The following AKAP13 variants were observed in gnomAD, a reference collection of about 807,000 sequenced individuals.
AKAP13 encodes the protein A-kinase anchor protein 13.
Under a neutral mutation model 264.5 loss-of-function variants are expected in AKAP13, and 80 were observed. That is an observed-to-expected ratio of 0.30 (90% CI 0.25 to 0.36). The LOEUF (loss-of-function observed/expected upper bound fraction) is 0.36. AKAP13 is among the 10% of genes least tolerant of loss of function. AKAP13 has a pLI of 1.00. For missense variants in AKAP13, 3,712 were observed against 3,435.2 expected, an observed-to-expected ratio of 1.08 and a Z score of -2.01; for synonymous variants, 1,380 against 1,250.2, an observed-to-expected ratio of 1.10 and a Z score of -2.19.
intron 1 of AKAP13, among the ~76,000 whole-genome samples, chr15:85,427,024 C>T (rs867535588): frequency 6.9e-5 from 10 of 145,072 alleles, no homozygotes; most frequent in Middle Eastern, 6.9e-3. Context: ...GGCGCCATCT[C>T]GGCTCACTGC....
chr15:85,723,382 C>G, intron 26 of AKAP13, 62 bp downstream of exon 26: 1 of 1,576,018 alleles, frequency 6.3e-7, no homozygotes, highest in South Asian at 1.2e-5. Flanking sequence ...AATCCAAGTG[C>G]TTTTGTTGGA....
At chr15:85,463,475 A>T (rs2074602582) in intron 1 of AKAP13, among the ~76,000 whole-genome samples, 2 of 152,194 alleles carry the variant, frequency 1.3e-5, no homozygotes, top group Admixed American at 6.5e-5. Context: ...ACAGATCCAC[A>T]CTGTTATGAG....
intron 9 of AKAP13, among the ~76,000 whole-genome samples, chr15:85,642,672 C>T (rs193144034): frequency 4.6e-5 from 7 of 152,190 alleles, no homozygotes; most frequent in African/African-American, 1.4e-4. Context: ...AGCAGACTCT[C>T]GTCCCAAACT....
At chr15:85,544,093 G>C (rs2077654932) in intron 5 of AKAP13, 138 bp downstream of exon 5, 1 of 1,046,822 alleles carries the variant, frequency 9.6e-7, no homozygotes, top group Non-Finnish European at 1.4e-6. Flanking sequence ...CCTTCTGCTG[G>C]AGGTTTGTAA....
intron 6 of AKAP13, among the ~76,000 whole-genome samples, chr15:85,576,433 A>G (rs796937103): frequency 4.6e-5 from 7 of 152,340 alleles, no homozygotes; most frequent in African/African-American, 1.2e-4. Flanking sequence ...AGTCTTCAAG[A>G]TAAAGTTGTT....
chr15:85,517,114 A>T (rs1203887123), intron 2 of AKAP13, among the ~76,000 whole-genome samples: 2 of 152,132 alleles, frequency 1.3e-5, no homozygotes, highest in Non-Finnish European at 2.9e-5. Context: ...TACCACTGTG[A>T]TTTCTTTGCT....
At chr15:85,599,760 G>C (rs1374988420) in intron 8 of AKAP13, among the ~76,000 whole-genome samples, 1 of 152,172 alleles carries the variant, frequency 6.6e-6, no homozygotes, top group Non-Finnish European at 1.5e-5. Flanking sequence ...TCTGGGCTGG[G>C]TGAGGTGGTT....
intron 1 of AKAP13, among the ~76,000 whole-genome samples, chr15:85,394,533 AT>A (rs1222676354): frequency 6.6e-6 from 1 of 152,092 alleles, no homozygotes; most frequent in Admixed American, 6.5e-5. Flanking sequence ...AAAATCTTTT[AT>A]TTTTCACTCT....
chr15:85,606,194 A>T (rs545489414), intron 8 of AKAP13, among the ~76,000 whole-genome samples: 1 of 141,786 alleles, frequency 7.1e-6, no homozygotes, highest in Non-Finnish European at 1.5e-5. Context: ...CTCCGCCTCT[A>T]GGGTTCAAAC....
chr15:85,446,912 G>A lies in AKAP13; in HGVS notation c.-11-38798G>A, dbSNP rs535955767. Among the ~76,000 whole-genome samples, 5 of 152,238 alleles carry A rather than the reference G, an allele frequency of 3.3e-5. No homozygotes were observed. In the South Asian group the frequency reaches 1.0e-3, roughly 32 times the overall value. On this transcript the variant is annotated intron_variant, in intron 1 of 36. Coordinates refer to ENST00000394518, the MANE Select transcript of AKAP13 (RefSeq NM_007200.5). ...CACCAAGGAAGGAATGGGAAAATGG[G>A]TTAAACTTAAAAAAGTGAATGTGTA... is the stretch of plus-strand genomic sequence containing the variant.
intron 1 of AKAP13, among the ~76,000 whole-genome samples, chr15:85,472,835 C>T (rs1039898416): frequency 2.0e-5 from 3 of 152,148 alleles, no homozygotes; most frequent in Admixed American, 2.0e-4. Flanking sequence ...ATAAATAGCA[C>T]TTATATAACA....
chr15:85,425,247 C>T (rs554109114), intron 1 of AKAP13, among the ~76,000 whole-genome samples: 1 of 152,106 alleles, frequency 6.6e-6, no homozygotes, highest in South Asian at 2.1e-4. Context: ...TGAGATATGC[C>T]TGTATTCAGG....
At chr15:85,659,504 AT>A (rs3837734) in intron 12 of AKAP13, among the ~76,000 whole-genome samples, 30,926 of 152,194 alleles carry the variant, frequency 0.2, 4,171 homozygotes, top group Middle Eastern at 0.42. Flanking sequence ...ATTCTCATGA[AT>A]TTCAGATAAT....
intron 5 of AKAP13, among the ~76,000 whole-genome samples, chr15:85,565,047 A>G (rs1172987435): frequency 6.6e-6 from 1 of 152,186 alleles, no homozygotes; most frequent in African/African-American, 2.4e-5. Flanking sequence ...GAAGATTGAA[A>G]ATTTCAAGGT....
chr15:85,466,381 G>T (rs925187442), intron 1 of AKAP13, among the ~76,000 whole-genome samples: 20 of 151,960 alleles, frequency 1.3e-4, no homozygotes, highest in Non-Finnish European at 2.6e-4. Flanking sequence ...GTCAATTTTG[G>T]CTTTTGTTGC....
chr15:85,662,444 A>G, intron 12 of AKAP13: 1 of 1,614,152 alleles, frequency 6.2e-7, no homozygotes, highest in Non-Finnish European at 8.5e-7. Context: ...GCTGACTTTA[A>G]TTACAGAAGG....
chr15:85,567,939 GA>G (rs2078663088), intron 5 of AKAP13, among the ~76,000 whole-genome samples: 1 of 107,830 alleles, frequency 9.3e-6, no homozygotes, highest in Non-Finnish European at 1.9e-5. Flanking sequence ...ATAGCCCAAA[GA>G]GGTGTGTGTG....
chr15:85,653,912 G>T (rs755266878), intron 10 of AKAP13, among the ~76,000 whole-genome samples: 3 of 152,082 alleles, frequency 2.0e-5, no homozygotes, highest in African/African-American at 4.8e-5. Context: ...ATCAAATTCT[G>T]TGTTCTGGTA....
intron 1 of AKAP13, among the ~76,000 whole-genome samples, chr15:85,437,635 C>T (rs987437324): frequency 6.6e-6 from 1 of 152,210 alleles, no homozygotes; most frequent in African/African-American, 2.4e-5. Context: ...ATCAAGTGGG[C>T]TTCATCCCGG....
Sources: allele counts gnomAD v4.1 joint callset (sites outside exome capture counted in the v4.1 genomes callset), GRCh38; gene constraint gnomAD v4.1.1; transcripts MANE v1.5; gene names NCBI Gene and HGNC (gene_info 2026-07-23, HGNC 2026-07-21).